The following SEC22C variants were observed in gnomAD, a reference collection of about 807,000 sequenced individuals.
SEC22C encodes the protein SEC22 homolog C, vesicle trafficking protein, also known as vesicle-trafficking protein SEC22c.
In SEC22C, 29 loss-of-function variants were observed where a neutral mutation model predicts 34.7. The ratio of observed to expected loss-of-function variants is 0.84; its 90% CI spans 0.62 to 1.14. The LOEUF (loss-of-function observed/expected upper bound fraction) is 1.14, where lower values mean the gene tolerates loss of function less well. Among genes scored for constraint, SEC22C ranks in the 50% most tolerant of loss-of-function variants. SEC22C has a pLI of 0.00. For synonymous variants in SEC22C, 117 were observed against 132.8 expected, an observed-to-expected ratio of 0.88 and a Z score of 0.82; for missense variants, 337 against 369.0, an observed-to-expected ratio of 0.91 and a Z score of 0.71.
chr3:42,568,856 A>T lies in SEC22C; in HGVS notation c.182+9T>A, dbSNP rs1384322417. On this transcript the variant is annotated intron_variant, in intron 2 of 6. Transcript: ENST00000264454. ...CTAATATTCTGAAAAAGTGAATATG[A>T]TCACTTACTGTATACTAAAGTCACA... 1.2e-6 allele frequency: 2 copies of T among 1,612,164 alleles called. No homozygotes were observed. Among genetic ancestry groups the T allele is most frequent in the Non-Finnish European group, 1.7e-6 (2 of 1,178,400 alleles).
Position 42,551,757 on chromosome 3 carries a change from A to T in SEC22C, c.*1491T>A, listed in dbSNP as rs1024506504. On this transcript the variant is annotated 3_prime_UTR_variant, in exon 7 of 7. Transcript: ENST00000264454. ...ATATAAACTTATTTTTCTTAAAATGATAACAAGGTAGCTCAATAACAATAC... is the reference window on the plus strand; with the variant it reads ...ATATAAACTTATTTTTCTTAAAATGTTAACAAGGTAGCTCAATAACAATAC... 3 of 968,838 alleles carry T rather than the reference A, an allele frequency of 3.1e-6. No individual in the cohort carries two copies. The highest frequency in any genetic ancestry group is 6.2e-5 in the Admixed American group (1 of 16,252). The allele number at this position is 968,838 out of a possible 1,614,324, so 60.0% of individuals were successfully genotyped here.
intron 2 of SEC22C, among the ~76,000 whole-genome samples, chr3:42,564,729 G>A (rs78329654): frequency 1.3e-5 from 2 of 152,296 alleles, no homozygotes; most frequent in Non-Finnish European, 2.9e-5. Flanking sequence ...GTTGTGGCCT[G>A]ACAAGAACTT....
In SEC22C at chr3:42,549,421, A is replaced by C. The variant is rs1702140893; in HGVS notation, c.*3827T>G. On this transcript the variant is annotated 3_prime_UTR_variant, in exon 7 of 7. Transcript: ENST00000264454. ...GTGCAGTGTGCAACCCCCATATGCC[A>C]AGGGGCAGCTGCTATCTTCCAGCAG... The C allele has an allele frequency of 2.0e-6, 2 of 985,452 alleles. No homozygotes were observed. Among genetic ancestry groups the C allele is most frequent in the Non-Finnish European group, 2.4e-6 (2 of 830,052 alleles). 61.0% of individuals were successfully genotyped at this position (985,452 alleles called of 1,614,324 possible). A position where few individuals can be genotyped will look rare whatever the true frequency, so the allele number is the denominator to read the frequency against.
chr3:42,598,614 C>G (rs940128781), intron 1 of SEC22C, among the ~76,000 whole-genome samples: 1 of 151,930 alleles, frequency 6.6e-6, no homozygotes, highest in Non-Finnish European at 1.5e-5. Flanking sequence ...CAGGTGTGAG[C>G]CACCGCACCT....
At position 42,549,942 on chromosome 3, in the gene SEC22C, T is replaced by C. The variant is rs1344896160; in HGVS notation, c.*3306A>G. The C allele has an allele frequency of 1.0e-6, 1 of 985,338 alleles. No individual in the cohort carries two copies. 61.0% of individuals were successfully genotyped at this position (985,338 alleles called of 1,614,324 possible). A position where few individuals can be genotyped will look rare whatever the true frequency, so the allele number is the denominator to read the frequency against. On this transcript the variant is annotated 3_prime_UTR_variant, in exon 7 of 7. Transcript: ENST00000264454. ...CAGCTGCAGGCAGTGGGGCCTCTGG[T>C]ACTGAGAGGGAATGCCACCCGAATA... is the stretch of plus-strand genomic sequence containing the variant.
At position 42,551,685 on chromosome 3, in the gene SEC22C, A is replaced by T. The variant is rs1203537962; in HGVS notation, c.*1563T>A. On this transcript the variant is annotated 3_prime_UTR_variant, in exon 7 of 7. Coordinates refer to ENST00000264454, the MANE Select transcript of SEC22C (RefSeq NM_032970.4). ...GGTCAAAAATAGAAAATTCTATTAT[A>T]AAAAATAAAGTTACTATGGCAACAT... The T allele has an allele frequency of 8.3e-6, 8 of 963,968 alleles. No individual in the cohort carries two copies. The highest frequency in any genetic ancestry group is 9.9e-6 in the Non-Finnish European group (8 of 810,494). The allele number at this position is 963,968 out of a possible 1,614,324, so 59.7% of individuals were successfully genotyped here.
chr3:42,548,975 T>C lies in SEC22C; in HGVS notation c.*4273A>G. On this transcript the variant is annotated 3_prime_UTR_variant, in exon 7 of 7. Transcript: ENST00000264454. ...CTGGCGGGGGGGCAGATTGATGTTA[T>C]CACCATTTACCAGATGAGGAAACTG... is the stretch of plus-strand genomic sequence containing the variant. The C allele has an allele frequency of 8.9e-7, 1 of 1,123,414 alleles. No homozygotes were observed. The highest frequency in any genetic ancestry group is 1.1e-6 in the Non-Finnish European group (1 of 909,288). The allele number at this position is 1,123,414 out of a possible 1,614,324, so 69.6% of individuals were successfully genotyped here. A position where few individuals can be genotyped will look rare whatever the true frequency, so the allele number is the denominator to read the frequency against.
At chr3:42,567,310 T>C (rs892244804) in intron 2 of SEC22C, among the ~76,000 whole-genome samples, 5 of 152,224 alleles carry the variant, frequency 3.3e-5, no homozygotes, top group African/African-American at 9.6e-5. Flanking sequence ...ATCTAACAAG[T>C]CATTTTGATA....
intron 2 of SEC22C, among the ~76,000 whole-genome samples, chr3:42,566,551 C>T (rs1056805277): frequency 6.6e-6 from 1 of 151,950 alleles, no homozygotes; most frequent in African/African-American, 2.4e-5. Flanking sequence ...TGGTGGTGGG[C>T]ACCTGTAGTC....
At chr3:42,582,083 C>A (rs1704417829), upstream of SEC22C, 1 of 152,322 alleles carries the variant, frequency 6.6e-6, no homozygotes, top group South Asian at 2.1e-4. Flanking sequence ...CAGCCCCCGT[C>A]CCGGCGAAGG....
intron 1 of SEC22C, chr3:42,591,183 G>C (rs957181103): frequency 2.3e-5 from 14 of 597,476 alleles, no homozygotes; most frequent in Non-Finnish European, 3.8e-5. Flanking sequence ...ACGTCACACT[G>C]CACTAACCCT....
chr3:42,588,838 C>A (rs1704710288), intron 1 of SEC22C, among the ~76,000 whole-genome samples: 1 of 152,074 alleles, frequency 6.6e-6, no homozygotes, highest in Admixed American at 6.6e-5. Flanking sequence ...TCTCTGAAAG[C>A]TTTGGGGAAT....
At chr3:42,578,001 G>C (rs1266742065) in intron 1 of SEC22C, among the ~76,000 whole-genome samples, 1 of 151,988 alleles carries the variant, frequency 6.6e-6, no homozygotes, top group Non-Finnish European at 1.5e-5. Flanking sequence ...ACACAGTTTG[G>C]CAGTTTCTTT....
intron 4 of SEC22C, among the ~76,000 whole-genome samples, chr3:42,559,688 C>T (rs1180032043): frequency 6.6e-6 from 1 of 152,108 alleles, no homozygotes; most frequent in African/African-American, 2.4e-5. Context: ...ATAGTGTAGA[C>T]ACTTCTTTTA....
chr3:42,568,247 C>A (rs1481374330), intron 2 of SEC22C, among the ~76,000 whole-genome samples: 1 of 151,704 alleles, frequency 6.6e-6, no homozygotes, highest in Non-Finnish European at 1.5e-5. Flanking sequence ...CCCTCCTTAC[C>A]TTTTCTCTTC....
chr3:42,594,337 C>T (rs1180053236), intron 1 of SEC22C: 34 of 1,037,236 alleles, frequency 3.3e-5, no homozygotes, highest in Non-Finnish European at 4.5e-5. Flanking sequence ...AGCCATTCCA[C>T]TAGAGTGGGT....
intron 4 of SEC22C, among the ~76,000 whole-genome samples, chr3:42,560,092 A>G (rs1251530074): frequency 7.4e-6 from 1 of 134,958 alleles, no homozygotes; most frequent in Non-Finnish European, 1.5e-5. Context: ...TAAGATGATA[A>G]GGATTCTCTC....
chr3:42,548,695 G>A lies in SEC22C; in HGVS notation c.*4553C>T, dbSNP rs1423256671. ...AAACATCAATGGTACCATGCGCTCT[G>A]TGCCCAGGGAGTGAAAGGCAGGTCC... On this transcript the variant is annotated 3_prime_UTR_variant, in exon 7 of 7. Transcript: ENST00000264454. The A allele has an allele frequency of 1.9e-6, 3 of 1,613,792 alleles. No homozygotes were observed. In the South Asian group the frequency reaches 3.3e-5, roughly 18 times the overall value.
At position 42,553,163 on chromosome 3, in the gene SEC22C, G is replaced by T; in HGVS notation, c.*85C>A. 1 of 1,549,616 alleles carries T rather than the reference G, an allele frequency of 6.5e-7. No homozygotes were observed. On this transcript the variant is annotated 3_prime_UTR_variant, in exon 7 of 7. Transcript: ENST00000264454. ...CAGTTGGCTGAAAAGGATGGAAACT[G>T]GAGTGTAAAGTAGAGAAGCAGAAAG...
Sources: allele counts gnomAD v4.1 joint callset (sites outside exome capture counted in the v4.1 genomes callset), GRCh38; gene constraint gnomAD v4.1.1; transcripts MANE v1.5; gene names NCBI Gene and HGNC (gene_info 2026-07-23, HGNC 2026-07-21).